EEFSEC: variants seen among roughly 807,000 people sequenced by gnomAD.
The protein encoded by EEFSEC is eukaryotic elongation factor, selenocysteine-tRNA specific, also known as selenocysteine-specific elongation factor.
A neutral mutation model predicts 42.1 loss-of-function variants in EEFSEC; 43 were observed. That is an observed-to-expected ratio of 1.02 (90% CI 0.80 to 1.32). EEFSEC has a LOEUF of 1.32. Among genes scored for constraint, EEFSEC ranks in the 40% most tolerant of loss-of-function variants. The pLI is 0.00. For missense variants in EEFSEC, 745 were observed against 803.6 expected (o/e 0.93, Z 0.88); for synonymous variants, 354 against 339.1 (o/e 1.04, Z -0.48).
chr3:128,157,838 A>G (rs1281059201), intron 1 of EEFSEC, among the ~76,000 whole-genome samples: 1 of 152,246 alleles, frequency 6.6e-6, no homozygotes, highest in Non-Finnish European at 1.5e-5. Flanking sequence ...TGTATGGGTC[A>G]AGGAGTAATT....
chr3:128,384,779 G>T (rs1346009852), intron 6 of EEFSEC, among the ~76,000 whole-genome samples: 1 of 152,146 alleles, frequency 6.6e-6, no homozygotes, highest in Non-Finnish European at 1.5e-5. Flanking sequence ...TAGTGCACAG[G>T]GGTTTCCTCA....
At chr3:128,177,142 C>T (rs1466318272) in intron 1 of EEFSEC, among the ~76,000 whole-genome samples, 1 of 151,860 alleles carries the variant, frequency 6.6e-6, no homozygotes, top group African/African-American at 2.4e-5. Context: ...GATTACAGGC[C>T]GTACTGGATT....
the EEFSEC span, among the ~76,000 whole-genome samples, chr3:128,417,939 C>T: frequency 6.6e-6 from 1 of 152,062 alleles, no homozygotes; most frequent in Non-Finnish European, 1.5e-5. This position sits in a 1 kb window ranked among gnomAD's most constrained non-coding sequence, Gnocchi z 4.3. Context: ...CAGCCAGGAC[C>T]CGGGGGCCTT....
intron 4 of EEFSEC, among the ~76,000 whole-genome samples, chr3:128,286,594 C>T (rs909807887): frequency 7.9e-5 from 12 of 152,140 alleles, no homozygotes; most frequent in African/African-American, 2.4e-4. Context: ...TTGACATGGC[C>T]CATCCTTTTG....
chr3:128,350,383 G>T (rs529973714), intron 5 of EEFSEC, among the ~76,000 whole-genome samples: 2 of 152,318 alleles, frequency 1.3e-5, no homozygotes, highest in African/African-American at 4.8e-5. Context: ...TGGTCTAGCT[G>T]GCCACTGAGC....
intron 1 of EEFSEC, among the ~76,000 whole-genome samples, chr3:128,178,828 C>T (rs2065376871): frequency 6.6e-6 from 1 of 152,138 alleles, no homozygotes; most frequent in African/African-American, 2.4e-5. Flanking sequence ...CCTGTTACTA[C>T]TATTGTAATT....
intron 2 of EEFSEC, among the ~76,000 whole-genome samples, chr3:128,255,746 G>C (rs796338286): frequency 2.0e-5 from 3 of 152,318 alleles, no homozygotes; most frequent in African/African-American, 7.2e-5. Flanking sequence ...GTGGCAGGGT[G>C]GGGGTGTCAA....
At chr3:128,164,209 C>A (rs1303310973) in intron 1 of EEFSEC, among the ~76,000 whole-genome samples, 1 of 152,318 alleles carries the variant, frequency 6.6e-6, no homozygotes, top group East Asian at 1.9e-4. Context: ...TCTACACATA[C>A]ACGTTGCATG....
chr3:128,207,621 A>T (rs2065712733), intron 1 of EEFSEC, among the ~76,000 whole-genome samples: 1 of 151,914 alleles, frequency 6.6e-6, no homozygotes, highest in Non-Finnish European at 1.5e-5. Context: ...CAAGATAAGG[A>T]TAACGTAAAC....
At chr3:128,382,530 G>A (rs1384687339) in intron 6 of EEFSEC, among the ~76,000 whole-genome samples, 1 of 152,220 alleles carries the variant, frequency 6.6e-6, no homozygotes, top group African/African-American at 2.4e-5. Flanking sequence ...CCAGCTTCCT[G>A]ACAGGGCAGT....
At chr3:128,279,369 C>T (rs982661206) in intron 4 of EEFSEC, among the ~76,000 whole-genome samples, 3 of 152,238 alleles carry the variant, frequency 2.0e-5, no homozygotes, top group Non-Finnish European at 4.4e-5. Context: ...TGGCCTCTAC[C>T]CACTAGATGC....
At chr3:128,165,045 G>C (rs1003086044) in intron 1 of EEFSEC, among the ~76,000 whole-genome samples, 1 of 152,226 alleles carries the variant, frequency 6.6e-6, no homozygotes. Context: ...CCAAGGGATA[G>C]TTCTGCCTCT....
chr3:128,382,188 G>A (rs2067784438), intron 6 of EEFSEC, among the ~76,000 whole-genome samples: 1 of 152,226 alleles, frequency 6.6e-6, no homozygotes. Context: ...TGGGCTGCTT[G>A]TGGAGAGAAA....
At chr3:128,312,189 A>G (rs981506510) in intron 4 of EEFSEC, among the ~76,000 whole-genome samples, 32 of 152,230 alleles carry the variant, frequency 2.1e-4, no homozygotes, top group African/African-American at 7.5e-4. Context: ...TACAAAGCCA[A>G]GCATTTTACA....
At chr3:128,226,207 C>T (rs148286713) in intron 1 of EEFSEC, among the ~76,000 whole-genome samples, 1 of 152,148 alleles carries the variant, frequency 6.6e-6, no homozygotes, top group Non-Finnish European at 1.5e-5. Flanking sequence ...AGGAGCTTGA[C>T]GAAGCTAGAC....
intron 6 of EEFSEC, among the ~76,000 whole-genome samples, chr3:128,381,208 C>T (rs1222551146): frequency 6.6e-6 from 1 of 152,146 alleles, no homozygotes; most frequent in Non-Finnish European, 1.5e-5. Flanking sequence ...AGTCAGACAC[C>T]CTTGGGTTTG....
chr3:128,257,568 A>G (rs937653801), intron 2 of EEFSEC, among the ~76,000 whole-genome samples: 7 of 152,230 alleles, frequency 4.6e-5, no homozygotes, highest in African/African-American at 1.4e-4. Flanking sequence ...CAGGTCTTTT[A>G]TGGTTTTCTT....
At chr3:128,329,124 A>C (rs1576641557) in intron 4 of EEFSEC, among the ~76,000 whole-genome samples, 1 of 150,798 alleles carries the variant, frequency 6.6e-6, no homozygotes, top group Admixed American at 6.6e-5. Flanking sequence ...GCCTTCAACC[A>C]CTCCCCCTCC....
At chr3:128,226,242 G>A (rs1042470291) in intron 1 of EEFSEC, among the ~76,000 whole-genome samples, 1 of 152,204 alleles carries the variant, frequency 6.6e-6, no homozygotes, top group African/African-American at 2.4e-5. Flanking sequence ...GCCACATAAA[G>A]GAGGACATCA....
Sources: allele counts gnomAD v4.1 joint callset (sites outside exome capture counted in the v4.1 genomes callset), GRCh38; gene constraint gnomAD v4.1.1; non-coding constraint Gnocchi (gnomAD v3.1); transcripts MANE v1.5; gene names NCBI Gene and HGNC (gene_info 2026-07-23, HGNC 2026-07-21).